Variants in LRMDA observed in about 807,000 individuals in gnomAD.
The protein encoded by LRMDA is leucine-rich melanocyte differentiation-associated protein.
Under a neutral mutation model 29.8 loss-of-function variants are expected in LRMDA, and 18 were observed. The ratio of observed to expected loss-of-function variants is 0.60; its 90% CI spans 0.42 to 0.90. LRMDA has a LOEUF of 0.90. LRMDA is among the 40% of genes least tolerant of loss of function. The pLI, the probability that LRMDA is intolerant of heterozygous loss-of-function variation, is 0.00. For synonymous variants in LRMDA, 125 were observed against 109.4 expected (o/e 1.14, Z -0.89); for missense variants, 273 against 273.9 (o/e 1.00, Z 0.02).
intron 2 of LRMDA, among the ~76,000 whole-genome samples, chr10:75,515,016 G>A (rs1241668268): frequency 6.6e-6 from 1 of 151,940 alleles, no homozygotes; most frequent in Non-Finnish European, 1.5e-5. Flanking sequence ...AAAAAATGTG[G>A]CATATCCATA....
intron 2 of LRMDA, among the ~76,000 whole-genome samples, chr10:75,653,074 A>G (rs1477715640): frequency 1.3e-5 from 2 of 152,130 alleles, no homozygotes. Flanking sequence ...TCTGAGACCC[A>G]CTCTGGCTTT....
At chr10:75,868,617 T>C (rs1845058083) in intron 2 of LRMDA, among the ~76,000 whole-genome samples, 1 of 152,220 alleles carries the variant, frequency 6.6e-6, no homozygotes, top group African/African-American at 2.4e-5. Flanking sequence ...AAAGAAAAGA[T>C]ACTCTTGTTT....
At chr10:76,451,245 A>C (rs1300785431) in intron 6 of LRMDA, among the ~76,000 whole-genome samples, 1 of 151,494 alleles carries the variant, frequency 6.6e-6, no homozygotes, top group Non-Finnish European at 1.5e-5. Context: ...TCTATCGCCC[A>C]GGCTGGAGTG....
chr10:76,126,185 C>T (rs566498961), intron 5 of LRMDA, among the ~76,000 whole-genome samples: 4 of 152,170 alleles, frequency 2.6e-5, no homozygotes, highest in Non-Finnish European at 4.4e-5. Flanking sequence ...TGTGTGGCCT[C>T]GAGAGCATTG....
chr10:76,201,052 A>G (rs1049635292), intron 5 of LRMDA, among the ~76,000 whole-genome samples: 2 of 146,694 alleles, frequency 1.4e-5, no homozygotes, highest in African/African-American at 2.5e-5. Context: ...GTGACCCCAT[A>G]TTATTAGTAT....
chr10:76,203,115 G>A (rs954520253), intron 5 of LRMDA, among the ~76,000 whole-genome samples: 10 of 152,218 alleles, frequency 6.6e-5, no homozygotes, highest in Non-Finnish European at 1.2e-4. Flanking sequence ...GAGAGCATGA[G>A]TACTTTTTGT....
chr10:76,555,197 C>G (rs983549831), intron 6 of LRMDA, among the ~76,000 whole-genome samples: 29 of 152,252 alleles, frequency 1.9e-4, no homozygotes, highest in Non-Finnish European at 3.2e-4. Flanking sequence ...CAGCAGGATC[C>G]TGGCATGGGT....
chr10:75,745,282 G>A lies in LRMDA; in HGVS notation c.132-290726G>A, dbSNP rs145068757. ...TCTCTCTCTTTCTCTCTCTCTCTCCGTGTGTGTGTATAATATAAATTGGGG... is the reference window on the plus strand; with the variant it reads ...TCTCTCTCTTTCTCTCTCTCTCTCCATGTGTGTGTATAATATAAATTGGGG... On this transcript the variant is annotated intron_variant, in intron 2 of 6. Coordinates refer to ENST00000611255, the MANE Select transcript of LRMDA (RefSeq NM_001305581.2). Among the ~76,000 whole-genome samples, 7 of 151,468 alleles carry A rather than the reference G, an allele frequency of 4.6e-5. No individual in the cohort carries two copies. In the East Asian group the frequency reaches 5.8e-4, roughly 13 times the overall value.
chr10:76,053,320 C>T (rs759390424), intron 4 of LRMDA, among the ~76,000 whole-genome samples: 22 of 152,180 alleles, frequency 1.4e-4, no homozygotes, highest in Admixed American at 2.6e-4. Flanking sequence ...TTAACCTTCC[C>T]GCATTGTTAA....
At chr10:75,453,594 T>C (rs1416176173) in intron 2 of LRMDA, among the ~76,000 whole-genome samples, 1 of 152,228 alleles carries the variant, frequency 6.6e-6, no homozygotes, top group Non-Finnish European at 1.5e-5. Context: ...ATATGTGAGT[T>C]TTGAGGTGCT....
At chr10:75,997,891 T>C (rs1007002676) in intron 2 of LRMDA, among the ~76,000 whole-genome samples, 1 of 152,180 alleles carries the variant, frequency 6.6e-6, no homozygotes, top group Non-Finnish European at 1.5e-5. Flanking sequence ...GCTTTTCCTC[T>C]CCCCCTCTCT....
intron 6 of LRMDA, chr10:76,438,615 C>G (rs1299339658): frequency 6.6e-6 from 1 of 152,142 alleles, no homozygotes; most frequent in Non-Finnish European, 1.5e-5. Flanking sequence ...CCTCTTTTCC[C>G]CCGTTTTCTG....
intron 5 of LRMDA, among the ~76,000 whole-genome samples, chr10:76,059,296 C>T (rs1175029653): frequency 6.6e-6 from 1 of 152,154 alleles, no homozygotes; most frequent in East Asian, 1.9e-4. Flanking sequence ...TGGCATGTGC[C>T]CCCCACATGT....
In LRMDA at chr10:75,997,791, C is replaced by T. The variant is rs545024925; in HGVS notation, c.132-38217C>T. Among the ~76,000 whole-genome samples the T allele has an allele frequency of 1.1e-4, 17 of 152,296 alleles. No homozygotes were observed. The South Asian group carries it at 1.9e-3, about 17-fold the overall frequency. Reference sequence around the variant, plus strand: ...GTGTGGCCATTGTGGGCTCTCTTCACAGCCCCTATTTGACTGTGGTTTGTG... The same window carrying T: ...GTGTGGCCATTGTGGGCTCTCTTCATAGCCCCTATTTGACTGTGGTTTGTG... On this transcript the variant is annotated intron_variant, in intron 2 of 6. Transcript: ENST00000611255.
intron 2 of LRMDA, among the ~76,000 whole-genome samples, chr10:75,944,640 C>T (rs1204153216): frequency 6.6e-6 from 1 of 151,142 alleles, no homozygotes; most frequent in Non-Finnish European, 1.5e-5. Context: ...TAGATAATTT[C>T]TATTAATCTA....
intron 2 of LRMDA, among the ~76,000 whole-genome samples, chr10:75,614,023 G>A (rs1168005095): frequency 2.6e-5 from 4 of 152,156 alleles, no homozygotes; most frequent in Non-Finnish European, 4.4e-5. Flanking sequence ...TTCAGCATGT[G>A]AGGAGTCAAG....
intron 2 of LRMDA, among the ~76,000 whole-genome samples, chr10:75,944,374 G>T (rs565195528): frequency 5.3e-5 from 8 of 151,854 alleles, no homozygotes; most frequent in Non-Finnish European, 1.2e-4. Flanking sequence ...AATATTCATA[G>T]GTATGATTTT....
intron 6 of LRMDA, among the ~76,000 whole-genome samples, chr10:76,523,580 A>G (rs1843144147): frequency 6.6e-6 from 1 of 151,526 alleles, no homozygotes; most frequent in Non-Finnish European, 1.5e-5. Flanking sequence ...TCTGCCAGAA[A>G]CAGCCTTTTA....
intron 2 of LRMDA, among the ~76,000 whole-genome samples, chr10:75,799,865 C>T (rs1000605481): frequency 1.9e-4 from 29 of 151,914 alleles, no homozygotes; most frequent in African/African-American, 6.5e-4. Flanking sequence ...AATTTTTGTC[C>T]GTTATTTGTT....
Sources: allele counts gnomAD v4.1 joint callset (sites outside exome capture counted in the v4.1 genomes callset), GRCh38; gene constraint gnomAD v4.1.1; transcripts MANE v1.5; gene names NCBI Gene and HGNC (gene_info 2026-07-23, HGNC 2026-07-21).